AQR: variants seen among roughly 807,000 people sequenced by gnomAD.
AQR encodes RNA helicase aquarius.
In AQR, 61 loss-of-function variants were observed where a neutral mutation model predicts 180.5. The ratio of observed to expected loss-of-function variants is 0.34; its 90% CI spans 0.28 to 0.42. The LOEUF is 0.42. AQR is among the 10% of genes least tolerant of loss of function. AQR has a pLI of 1.00. For missense variants in AQR, 1,281 were observed against 1,798.3 expected (o/e 0.71, Z 5.20); for synonymous variants, 551 against 588.8 (o/e 0.94, Z 0.93).
In AQR at chr15:34,969,580, C is replaced by G; in HGVS notation, c.34G>C (p.Ala12Pro). The G allele has an allele frequency of 6.2e-7, 1 of 1,613,734 alleles. No homozygotes were observed. The highest frequency in any genetic ancestry group is 8.5e-7 in the Non-Finnish European group (1 of 1,180,018). ...AAPAQPKKIV[A>P]PTVSQINAEF... is the part of the protein sequence containing the mutation. ...GCATTGATTTGGGACACCGTAGGGG[C>G]CACGATCTTCTTGGGCTGCGCAGGG... Residue 12 changes from alanine (A) to proline (P), a missense_variant, in exon 1 of 35, where the codon GCC (alanine) becomes CCC (proline). Ala to Pro is a conservative substitution (Grantham distance 27). Coordinates refer to ENST00000156471, the MANE Select transcript of AQR (RefSeq NM_014691.3).
In AQR at chr15:34,856,763, T is replaced by C. The variant is rs778060971; in HGVS notation, c.*29A>G. On this transcript the variant is annotated 3_prime_UTR_variant, in exon 35 of 35. Coordinates refer to ENST00000156471, the MANE Select transcript of AQR (RefSeq NM_014691.3). Reference sequence around the variant, plus strand: ...CTTTACTCAGACTTTTTGACTGCCATGTCCTCCTTTAGAAGGACTACAGTT... The same window carrying C: ...CTTTACTCAGACTTTTTGACTGCCACGTCCTCCTTTAGAAGGACTACAGTT... The C allele has an allele frequency of 1.3e-5, 19 of 1,461,430 alleles. No homozygotes were observed. Among genetic ancestry groups the C allele is most frequent in the Non-Finnish European group, 1.6e-5 (18 of 1,102,768 alleles). 90.5% of individuals were successfully genotyped at this position (1,461,430 alleles called of 1,614,324 possible).
At chr15:34,949,794 TAA>T (rs755539183) in intron 4 of AQR, among the ~76,000 whole-genome samples, 7 of 114,122 alleles carry the variant, frequency 6.1e-5, no homozygotes, top group Admixed American at 1.8e-4. Context: ...TTATCTCTAT[TAA>T]AAAAAAAAAA....
intron 8 of AQR, among the ~76,000 whole-genome samples, chr15:34,939,650 G>GT (rs1478586048): frequency 7.2e-5 from 11 of 152,180 alleles, no homozygotes; most frequent in African/African-American, 2.4e-4. Context: ...GTAAATGCTT[G>GT]TAACAGTCCT....
chr15:34,919,598 G>A (rs1893652595), intron 14 of AQR, among the ~76,000 whole-genome samples: 1 of 152,090 alleles, frequency 6.6e-6, no homozygotes, highest in South Asian at 2.1e-4. Context: ...TTTTCCATTA[G>A]AAGAATTCCT....
chr15:34,952,283 G>A (rs1176430437), intron 4 of AQR, among the ~76,000 whole-genome samples: 2 of 152,176 alleles, frequency 1.3e-5, no homozygotes, highest in African/African-American at 4.8e-5. Flanking sequence ...TAAATACAGA[G>A]GATAGTACTT....
At position 34,932,313 on chromosome 15, in the gene AQR, T is replaced by C; in HGVS notation, c.900+5A>G. On this transcript the variant is annotated splice_donor_5th_base_variant and intron_variant, in intron 11 of 34. Coordinates refer to ENST00000156471, the MANE Select transcript of AQR (RefSeq NM_014691.3). ...ATAAATACGTTCAGATACATCAATA[T>C]TCACCTGGGAAAAAAGATGGCCATC... 6.3e-7 allele frequency: 1 copy of C among 1,593,254 alleles called. No individual in the cohort carries two copies.
At chr15:34,873,691 G>A (rs903055077) in intron 30 of AQR, 137 bp downstream of exon 30, 83 of 606,744 alleles carry the variant, frequency 1.4e-4, no homozygotes, top group Non-Finnish European at 2.0e-4. Flanking sequence ...ATCTGAAATC[G>A]ATTTTTCATA....
At chr15:34,893,233 T>C (rs1159173794) in intron 23 of AQR, among the ~76,000 whole-genome samples, 1 of 152,154 alleles carries the variant, frequency 6.6e-6, no homozygotes, top group Non-Finnish European at 1.5e-5. Flanking sequence ...AGGGTTTCTA[T>C]CCCTAATGCA....
At chr15:34,952,736 C>A in intron 4 of AQR, 149 bp downstream of exon 4, 1 of 624,032 alleles carries the variant, frequency 1.6e-6, no homozygotes. Context: ...CAAAGGCTAT[C>A]ATATACATAT....
intron 3 of AQR, among the ~76,000 whole-genome samples, chr15:34,955,796 C>A (rs939716629): frequency 6.6e-6 from 1 of 151,666 alleles, no homozygotes; most frequent in South Asian, 2.1e-4. Context: ...GTAATCCCAA[C>A]TTCTAGGGAG....
At position 34,853,219 on chromosome 15, in the gene AQR, C is replaced by T. The variant is rs1191308500; in HGVS notation, c.*3573G>A. 1 of 150,790 alleles carries T rather than the reference C, an allele frequency of 6.6e-6. No homozygotes were observed. Among genetic ancestry groups the T allele is most frequent in the Non-Finnish European group, 1.5e-5 (1 of 67,864 alleles). The allele number at this position is 150,790 out of a possible 1,614,324, so 9.3% of individuals were successfully genotyped here. A position where few individuals can be genotyped will look rare whatever the true frequency, so the allele number is the denominator to read the frequency against. On this transcript the variant is annotated 3_prime_UTR_variant, in exon 35 of 35. Coordinates refer to ENST00000156471, the MANE Select transcript of AQR (RefSeq NM_014691.3). ...TCACAGGAAGCAAGGCACTGCTCTTCTGGCTTATGCAAAAGGGTCACTGTT... is the reference window on the plus strand; with the variant it reads ...TCACAGGAAGCAAGGCACTGCTCTTTTGGCTTATGCAAAAGGGTCACTGTT...
chr15:34,856,696 G>T lies in AQR; in HGVS notation c.*96C>A. On this transcript the variant is annotated 3_prime_UTR_variant, in exon 35 of 35. Transcript: ENST00000156471. ...ATATAAGAACTAAACATTAATTAGT[G>T]ACAGTAAAATGGCAGAAGCAAATAT... 1 of 1,016,898 alleles carries T rather than the reference G, an allele frequency of 9.8e-7. No individual in the cohort carries two copies. Among genetic ancestry groups the T allele is most frequent in the South Asian group, 2.6e-5 (1 of 39,210 alleles). 63.0% of individuals were successfully genotyped at this position (1,016,898 alleles called of 1,614,324 possible). A position where few individuals can be genotyped will look rare whatever the true frequency, so the allele number is the denominator to read the frequency against.
At chr15:34,939,171 C>A (rs562319455) in intron 8 of AQR, among the ~76,000 whole-genome samples, 27 of 151,952 alleles carry the variant, frequency 1.8e-4, no homozygotes, top group Non-Finnish European at 3.8e-4. Context: ...CAGGTTGAAG[C>A]AACTCTCTTG....
chr15:34,926,900 G>T, intron 13 of AQR, 135 bp downstream of exon 13: 1 of 443,936 alleles, frequency 2.3e-6, no homozygotes, highest in Non-Finnish European at 3.9e-6. Context: ...AGCACTAGTT[G>T]TAGACGTCAA....
At chr15:34,916,658 G>A (rs1309218379) in intron 15 of AQR, among the ~76,000 whole-genome samples, 3 of 151,662 alleles carry the variant, frequency 2.0e-5, no homozygotes, top group South Asian at 4.2e-4. Flanking sequence ...CACAAAAAAA[G>A]AGACAAGTAG....
chr15:34,964,379 A>C (rs1386291485), intron 1 of AQR, 89 bp from the exon 2 acceptor site: 1 of 1,089,464 alleles, frequency 9.2e-7, no homozygotes, highest in South Asian at 1.3e-5. Context: ...GCGGTTTCTT[A>C]ACAAGGCCCT....
intron 19 of AQR, among the ~76,000 whole-genome samples, chr15:34,901,619 C>G (rs950077223): frequency 3.3e-5 from 5 of 152,084 alleles, no homozygotes; most frequent in African/African-American, 1.2e-4. Flanking sequence ...ATAACCAAAC[C>G]GACCATTTTT....
rs1169963532 is a variant in AQR, at chr15:34,875,992, C to T, written c.3180G>A (p.Leu1060=). 8 of 1,610,944 alleles carry T rather than the reference C, an allele frequency of 5.0e-6. No individual in the cohort carries two copies. Among genetic ancestry groups the T allele is most frequent in the Non-Finnish European group, 5.1e-6 (6 of 1,178,280 alleles). ...CCAGAATCTGAGCAGCCTCTTCCATCAAAATGTTGTCATACTAAGAAAGAG... is the reference window on the plus strand; with the variant it reads ...CCAGAATCTGAGCAGCCTCTTCCATTAAAATGTTGTCATACTAAGAAAGAG... ...VKLGFKYDNI[L]MEEAAQILEI... The change falls in exon 28 of 35, where the codon TTG becomes TTA. Residue 1060 remains leucine, a synonymous_variant. Transcript: ENST00000156471.
intron 15 of AQR, among the ~76,000 whole-genome samples, chr15:34,917,027 C>A (rs1239377677): frequency 6.6e-6 from 1 of 152,132 alleles, no homozygotes; most frequent in African/African-American, 2.4e-5. Flanking sequence ...CTGGTTACAG[C>A]TTCTTCCCTT....
Sources: allele counts gnomAD v4.1 joint callset (sites outside exome capture counted in the v4.1 genomes callset), GRCh38; gene constraint gnomAD v4.1.1; transcripts MANE v1.5; gene names NCBI Gene and HGNC (gene_info 2026-07-23, HGNC 2026-07-21).